The following DPP10 variants were observed in gnomAD, a reference collection of about 807,000 sequenced individuals.
DPP10 encodes the protein dipeptidyl peptidase like 10.
In DPP10, 33 loss-of-function variants were observed where a neutral mutation model predicts 120.9. The ratio of observed to expected loss-of-function variants is 0.27; its 90% CI spans 0.21 to 0.37. The LOEUF (loss-of-function observed/expected upper bound fraction) is 0.37, where lower values mean the gene tolerates loss of function less well. Ranked by LOEUF, DPP10 falls within the 10% of genes least tolerant of loss-of-function variation. The pLI is 1.00. For missense variants in DPP10, 816 were observed against 942.8 expected, an observed-to-expected ratio of 0.87 and a Z score of 1.76; for synonymous variants, 337 against 326.1, an observed-to-expected ratio of 1.03 and a Z score of -0.36.
At chr2:114,497,466 G>A (rs942827529) in intron 1 of DPP10, among the ~76,000 whole-genome samples, 2 of 135,684 alleles carry the variant, frequency 1.5e-5, no homozygotes, top group Non-Finnish European at 3.0e-5. Context: ...TTTTATAGAT[G>A]CATCTAAGAA....
At chr2:115,789,178 T>C (rs1354261558) in intron 17 of DPP10, among the ~76,000 whole-genome samples, 2 of 151,928 alleles carry the variant, frequency 1.3e-5, no homozygotes, top group African/African-American at 4.8e-5. Context: ...TCCAGACATA[T>C]ATATTAAGAG....
intron 1 of DPP10, among the ~76,000 whole-genome samples, chr2:114,570,245 AT>A (rs1481112555): frequency 6.6e-6 from 1 of 152,180 alleles, no homozygotes; most frequent in East Asian, 1.9e-4. Flanking sequence ...ATAACAAATC[AT>A]TTTGTTATCA....
At chr2:115,384,707 A>AAGAAGAAGAAGAAGAAG (rs1553574793) in intron 3 of DPP10, among the ~76,000 whole-genome samples, 2 of 148,434 alleles carry the variant, frequency 1.3e-5, no homozygotes, top group African/African-American at 5.1e-5. Context: ...AAGAAAGAAG[A>AAGAAGAAGAAGAAGAAG]AAGAAGAAGA....
intron 1 of DPP10, among the ~76,000 whole-genome samples, chr2:115,028,864 T>G (rs1471714206): frequency 6.6e-6 from 1 of 152,146 alleles, no homozygotes; most frequent in Non-Finnish European, 1.5e-5. Context: ...TTATCAGTTG[T>G]AAGTATAGAT....
At chr2:115,623,970 C>A (rs1391108767) in intron 5 of DPP10, among the ~76,000 whole-genome samples, 10 of 151,010 alleles carry the variant, frequency 6.6e-5, no homozygotes. Context: ...CAACATCTTT[C>A]TTTTTCTAGT....
In DPP10 at chr2:115,445,829, A is replaced by T. The variant is rs147153246; in HGVS notation, c.272-53681A>T. Among the ~76,000 whole-genome samples the T allele has an allele frequency of 5.9e-5, 9 of 152,376 alleles. No homozygotes were observed. The East Asian group carries it at 1.7e-3, about 29-fold the overall frequency. On this transcript the variant is annotated intron_variant, in intron 3 of 25. Transcript: ENST00000410059. ...CGAAGACAATGAGGAAAATGTCTTCAGAGCCTGTCAGACCTCCATGGAAGC... is the reference window on the plus strand; with the variant it reads ...CGAAGACAATGAGGAAAATGTCTTCTGAGCCTGTCAGACCTCCATGGAAGC...
intron 1 of DPP10, among the ~76,000 whole-genome samples, chr2:114,968,656 C>T (rs1349479534): frequency 6.6e-6 from 1 of 152,066 alleles, no homozygotes; most frequent in Non-Finnish European, 1.5e-5. Flanking sequence ...AGTCTATTTC[C>T]TTACACCAGG....
intron 1 of DPP10, among the ~76,000 whole-genome samples, chr2:114,817,670 C>G (rs895504218): frequency 6.6e-6 from 1 of 152,082 alleles, no homozygotes; most frequent in Admixed American, 6.6e-5. Context: ...TCATGGGAGT[C>G]GGGCTTTCAG....
At chr2:115,316,707 A>G (rs570285483) in intron 2 of DPP10, among the ~76,000 whole-genome samples, 2 of 152,150 alleles carry the variant, frequency 1.3e-5, no homozygotes, top group Non-Finnish European at 2.9e-5. Flanking sequence ...AGTTTGTCAT[A>G]TATTTTATTT....
At chr2:115,440,189 T>G (rs1208027269) in intron 3 of DPP10, among the ~76,000 whole-genome samples, 1 of 152,004 alleles carries the variant, frequency 6.6e-6, no homozygotes, top group East Asian at 1.9e-4. Flanking sequence ...ATGTAAATAT[T>G]TCCATATATT....
chr2:114,808,752 C>A (rs901344282), intron 1 of DPP10, among the ~76,000 whole-genome samples: 7 of 152,048 alleles, frequency 4.6e-5, no homozygotes, highest in Admixed American at 1.3e-4. Context: ...ACCTGGGACC[C>A]TTGTACCTGC....
chr2:115,377,157 C>G (rs1175452801), intron 3 of DPP10, among the ~76,000 whole-genome samples: 1 of 152,136 alleles, frequency 6.6e-6, no homozygotes, highest in Non-Finnish European at 1.5e-5. Context: ...AACTAGTTTA[C>G]AGTCCCACCA....
chr2:114,455,992 A>T (rs1678565450), intron 1 of DPP10, among the ~76,000 whole-genome samples: 1 of 152,200 alleles, frequency 6.6e-6, no homozygotes, highest in East Asian at 1.9e-4. Flanking sequence ...AATACTGCTT[A>T]TGAAAATATC....
chr2:114,502,999 G>A (rs1048392270), intron 1 of DPP10, among the ~76,000 whole-genome samples: 19 of 152,174 alleles, frequency 1.2e-4, no homozygotes, highest in East Asian at 3.8e-4. Context: ...GCAAGTGTGC[G>A]TGTGCATATG....
chr2:114,944,592 A>T, intron 1 of DPP10, among the ~76,000 whole-genome samples: 1 of 152,176 alleles, frequency 6.6e-6, no homozygotes, highest in East Asian at 1.9e-4. Flanking sequence ...TGTTTTACTA[A>T]AGGAAACTTT....
At chr2:114,981,760 T>A (rs1414728195) in intron 1 of DPP10, among the ~76,000 whole-genome samples, 1 of 150,194 alleles carries the variant, frequency 6.7e-6, no homozygotes, top group Non-Finnish European at 1.5e-5. Context: ...ATTTTTGTTT[T>A]GTTTTGTTTT....
chr2:115,698,084 C>T (rs754638164), intron 7 of DPP10, among the ~76,000 whole-genome samples: 15 of 152,172 alleles, frequency 9.9e-5, no homozygotes, highest in African/African-American at 2.2e-4. Flanking sequence ...CTTTCACGGG[C>T]GTTTGAGAAA....
At chr2:115,632,129 CTCT>C (rs1363497081) in intron 5 of DPP10, among the ~76,000 whole-genome samples, 1 of 152,120 alleles carries the variant, frequency 6.6e-6, no homozygotes, top group African/African-American at 2.4e-5. Context: ...TGATAGCTAG[CTCT>C]TCTTGTTGAA....
chr2:115,458,539 A>T (rs2073765178), intron 3 of DPP10, among the ~76,000 whole-genome samples: 1 of 152,104 alleles, frequency 6.6e-6, no homozygotes, highest in South Asian at 2.1e-4. Flanking sequence ...AAAGAAAATG[A>T]AAAGGCAAAC....
Sources: allele counts gnomAD v4.1 joint callset (sites outside exome capture counted in the v4.1 genomes callset), GRCh38; gene constraint gnomAD v4.1.1; transcripts MANE v1.5; gene names NCBI Gene and HGNC (gene_info 2026-07-23, HGNC 2026-07-21).